DPY19L3: variants seen among roughly 807,000 people sequenced by gnomAD.
DPY19L3 encodes protein C-mannosyl-transferase DPY19L3.
In DPY19L3, 51 loss-of-function variants were observed where a neutral mutation model predicts 92.3. That is an observed-to-expected ratio of 0.55 (90% CI 0.44 to 0.70). The LOEUF (loss-of-function observed/expected upper bound fraction) is 0.70, where lower values mean the gene tolerates loss of function less well. Ranked by LOEUF, DPY19L3 falls within the 30% of genes least tolerant of loss-of-function variation. The probability of loss-of-function intolerance (pLI) is 0.00; values close to 1 mark genes in which losing one functional copy is unlikely to be tolerated. For missense variants in DPY19L3, 706 were observed against 855.9 expected, an observed-to-expected ratio of 0.82 and a Z score of 2.18; for synonymous variants, 309 against 315.2, an observed-to-expected ratio of 0.98 and a Z score of 0.21.
chr19:32,454,391 G>C (rs1969800086), intron 9 of DPY19L3, among the ~76,000 whole-genome samples: 1 of 152,088 alleles, frequency 6.6e-6, no homozygotes, highest in Non-Finnish European at 1.5e-5. Flanking sequence ...TGGCTAACAT[G>C]GTGAAACCCT....
At position 32,436,550 on chromosome 19, in the gene DPY19L3, A is replaced by G. The variant is rs776641652; in HGVS notation, c.433A>G (p.Arg145Gly). The G allele has an allele frequency of 6.4e-7, 1 of 1,568,272 alleles. No individual in the cohort carries two copies. Among genetic ancestry groups the G allele is most frequent in the East Asian group, 2.3e-5 (1 of 43,720 alleles). Residue 145 changes from arginine to glycine, a missense_variant, in exon 5 of 19, where the codon AGA becomes GGA. Transcript: ENST00000392250. ...YQEVFLSILY[R>G]VLPIQKYLEP... The stretch of plus-strand genomic sequence containing the variant: ...AGAGGTTTTTCTCAGTATTTTATAT[A>G]GAGTTCTACCCATACAGGTATGTTT...
intron 17 of DPY19L3, among the ~76,000 whole-genome samples, chr19:32,479,913 G>A (rs1970622775): frequency 6.6e-6 from 1 of 152,214 alleles, no homozygotes; most frequent in Non-Finnish European, 1.5e-5. Flanking sequence ...CCCAGCCTAG[G>A]AGCAGAGACC....
intron 12 of DPY19L3, among the ~76,000 whole-genome samples, chr19:32,458,940 A>G (rs1322246194): frequency 6.6e-6 from 1 of 152,206 alleles, no homozygotes; most frequent in African/African-American, 2.4e-5. Context: ...CTGTTGACTC[A>G]TAAGCCTCTG....
At chr19:32,414,248 G>C (rs1228936158) in intron 3 of DPY19L3, among the ~76,000 whole-genome samples, 2 of 151,980 alleles carry the variant, frequency 1.3e-5, no homozygotes, top group Non-Finnish European at 2.9e-5. Context: ...GTGAAATCCC[G>C]TCTGTACTAA....
intron 12 of DPY19L3, among the ~76,000 whole-genome samples, chr19:32,460,721 C>T (rs971347959): frequency 6.6e-6 from 1 of 152,130 alleles, no homozygotes; most frequent in African/African-American, 2.4e-5. Context: ...CTGTTGTTGG[C>T]CAAAATGTTA....
intron 16 of DPY19L3, among the ~76,000 whole-genome samples, chr19:32,474,483 G>A (rs572495835): frequency 1.9e-4 from 29 of 152,330 alleles, no homozygotes; most frequent in African/African-American, 7.0e-4. Context: ...TTCATTTCCA[G>A]CTTAGCTGAA....
intron 3 of DPY19L3, chr19:32,411,724 C>T (rs1207313618): frequency 2.6e-5 from 7 of 273,568 alleles, no homozygotes; most frequent in Admixed American, 5.1e-5. Context: ...CGTGCCACCA[C>T]ACCCAGCTAA....
intron 4 of DPY19L3, 135 bp from the exon 5 acceptor site, chr19:32,436,310 GT>G: frequency 5.0e-5 from 24 of 481,364 alleles, no homozygotes; most frequent in Non-Finnish European, 5.0e-5. Flanking sequence ...GCAGGAGTAT[GT>G]TTTTTTTGCT....
chr19:32,454,193 A>G (rs1204693751), intron 9 of DPY19L3, among the ~76,000 whole-genome samples: 1 of 152,200 alleles, frequency 6.6e-6, no homozygotes, highest in East Asian at 1.9e-4. Context: ...TTATATGTCA[A>G]AAGGCACAAT....
chr19:32,446,276 A>G (rs1969496952), intron 8 of DPY19L3, among the ~76,000 whole-genome samples: 1 of 152,196 alleles, frequency 6.6e-6, no homozygotes, highest in Non-Finnish European at 1.5e-5. Context: ...TAAAAATGAA[A>G]TTGTAAAAAT....
chr19:32,418,008 G>T (rs1427063143), intron 3 of DPY19L3, among the ~76,000 whole-genome samples: 3 of 152,176 alleles, frequency 2.0e-5, no homozygotes, highest in East Asian at 1.9e-4. Flanking sequence ...AGTTCCGTCT[G>T]TGTTGGAAAT....
At chr19:32,411,731 C>T (rs1382313638) in intron 3 of DPY19L3, 1 of 260,964 alleles carries the variant, frequency 3.8e-6, no homozygotes, top group African/African-American at 2.2e-5. Context: ...CCACACCCAG[C>T]TAATTTTTGT....
At chr19:32,438,558 TACAC>T (rs1245736159) in intron 6 of DPY19L3, among the ~76,000 whole-genome samples, 2 of 152,164 alleles carry the variant, frequency 1.3e-5, no homozygotes, top group African/African-American at 4.8e-5. Flanking sequence ...GAGATGTAGA[TACAC>T]ACACGTATAT....
intron 1 of DPY19L3, among the ~76,000 whole-genome samples, chr19:32,407,589 CAG>C (rs1968018143): frequency 1.3e-5 from 2 of 152,052 alleles, no homozygotes; most frequent in Non-Finnish European, 2.9e-5. Context: ...TGCTATGGCT[CAG>C]GGAGGGAGAA....
chr19:32,448,067 G>A (rs533085468), intron 8 of DPY19L3, among the ~76,000 whole-genome samples: 3 of 152,202 alleles, frequency 2.0e-5, no homozygotes, highest in South Asian at 2.1e-4. Context: ...TGTTATGTAC[G>A]TGTAACGAAA....
At chr19:32,459,901 T>G (rs954967365) in intron 12 of DPY19L3, among the ~76,000 whole-genome samples, 2 of 152,188 alleles carry the variant, frequency 1.3e-5, no homozygotes, top group Non-Finnish European at 2.9e-5. Context: ...GAGAAATGCA[T>G]ATTAGGCGAT....
rs775192273 is a variant in DPY19L3, at chr19:32,480,551, C to T, written c.1983C>T (p.Asn661=). The change falls in exon 18 of 19, where the codon AAC becomes AAT. Residue 661 remains asparagine (N), a synonymous_variant. Transcript: ENST00000392250. ...CRLRDLLDIA[N]GHMMDGPGEN... Reference sequence around the variant, plus strand: ...TCCGGGACCTGCTGGACATTGCCAACGGCCACGTGAGCATGCTGCCTCTCC... The same window carrying T: ...TCCGGGACCTGCTGGACATTGCCAATGGCCACGTGAGCATGCTGCCTCTCC... The T allele has an allele frequency of 5.0e-6, 8 of 1,611,826 alleles. No homozygotes were observed. The African/African-American group carries it at 5.3e-5, about 11-fold the overall frequency.
chr19:32,479,717 C>T (rs1393432615), intron 17 of DPY19L3: 10 of 348,360 alleles, frequency 2.9e-5, no homozygotes, highest in Admixed American at 1.5e-4. Flanking sequence ...GAATCTGGGA[C>T]GCTCAGTTTG....
chr19:32,438,902 C>G, intron 6 of DPY19L3: 1 of 558,778 alleles, frequency 1.8e-6, no homozygotes, highest in Non-Finnish European at 3.1e-6. Flanking sequence ...TACCCATGGA[C>G]AGAGCACTTA....
Sources: allele counts gnomAD v4.1 joint callset (sites outside exome capture counted in the v4.1 genomes callset), GRCh38; gene constraint gnomAD v4.1.1; transcripts MANE v1.5; gene names NCBI Gene and HGNC (gene_info 2026-07-23, HGNC 2026-07-21).